Variants in NR3C1 observed in about 807,000 individuals in gnomAD.
NR3C1 encodes nuclear receptor subfamily 3 group C member 1.
A neutral mutation model predicts 74.0 loss-of-function variants in NR3C1; 14 were observed. The observed-to-expected ratio is 0.19, with a 90% CI of 0.12 to 0.30. The LOEUF (loss-of-function observed/expected upper bound fraction) is 0.30, where lower values mean the gene tolerates loss of function less well. Ranked by LOEUF, NR3C1 falls within the 10% of genes least tolerant of loss-of-function variation. The pLI is 1.00. For synonymous variants in NR3C1, 308 were observed against 332.5 expected, an observed-to-expected ratio of 0.93 and a Z score of 0.80; for missense variants, 695 against 909.8, an observed-to-expected ratio of 0.76 and a Z score of 3.04.
At chr5:143,407,815 ACAT>A (rs1298733810), upstream of NR3C1, among the ~76,000 whole-genome samples, 3 of 152,088 alleles carry the variant, frequency 2.0e-5, no homozygotes, top group South Asian at 2.1e-4. Flanking sequence ...CCCCTCCAAA[ACAT>A]CAACTAAATC....
chr5:143,413,954 T>C (rs992698883), intron 1 of NR3C1, among the ~76,000 whole-genome samples: 4 of 152,152 alleles, frequency 2.6e-5, no homozygotes, highest in Non-Finnish European at 1.5e-5. Context: ...TAGCTTTTTA[T>C]CAAAATATTA....
chr5:143,432,133 C>T (rs777398607), intron 1 of NR3C1, among the ~76,000 whole-genome samples: 1 of 152,176 alleles, frequency 6.6e-6, no homozygotes, highest in Non-Finnish European at 1.5e-5. Context: ...CACTAGAATA[C>T]CTGGGACTGG....
chr5:143,403,818 C>T, upstream of NR3C1: 1 of 969,014 alleles, frequency 1.0e-6, no homozygotes, highest in Non-Finnish European at 1.2e-6. Flanking sequence ...CAGGGGCGCC[C>T]GCGGTCCCTG....
At position 143,347,680 on chromosome 5, in the gene NR3C1, A is replaced by G. The variant is rs10482645; in HGVS notation, c.1185-33512T>C. On this transcript the variant is annotated intron_variant, in intron 2 of 8. Coordinates refer to ENST00000394464, the MANE Select transcript of NR3C1 (RefSeq NM_000176.3). Reference sequence around the variant, plus strand: ...GTAAAGACTATAAAATCACATTCTCATTGTAGAAATTTAGATCAAACACCA... The same window carrying G: ...GTAAAGACTATAAAATCACATTCTCGTTGTAGAAATTTAGATCAAACACCA... Among the ~76,000 whole-genome samples, 828 of 152,334 alleles carry G rather than the reference A, an allele frequency of 5.4e-3. 5 individuals are homozygous for G. Among genetic ancestry groups the G allele is most frequent in the East Asian group, 0.022 (116 of 5,188 alleles).
At chr5:143,322,404 T>C (rs2151655851) in intron 2 of NR3C1, among the ~76,000 whole-genome samples, 1 of 152,336 alleles carries the variant, frequency 6.6e-6, no homozygotes. Context: ...CTTTGTAGGC[T>C]GAAGTTTGAT....
rs1042075896 is a variant in NR3C1, at chr5:143,300,348, G to A, written c.1747+137C>T. 11 of 1,000,778 alleles carry A rather than the reference G, an allele frequency of 1.1e-5. No homozygotes were observed. Among genetic ancestry groups the A allele is most frequent in the Non-Finnish European group, 1.6e-5 (10 of 639,796 alleles). The allele number at this position is 1,000,778 out of a possible 1,614,324, so 62.0% of individuals were successfully genotyped here. On this transcript the variant is annotated intron_variant, in intron 5 of 8. Coordinates refer to ENST00000394464, the MANE Select transcript of NR3C1 (RefSeq NM_000176.3). This position sits in a 1 kb window ranked among gnomAD's most constrained non-coding sequence, Gnocchi z 5.2. ...AACTCCCTATCACCTGTATTCACCT[G>A]ACTCTCCCCTTCATAGTCCCCAGAA... is the stretch of plus-strand genomic sequence containing the variant.
At chr5:143,392,249 G>A (rs2151918170) in intron 2 of NR3C1, among the ~76,000 whole-genome samples, 1 of 152,274 alleles carries the variant, frequency 6.6e-6, no homozygotes, top group South Asian at 2.1e-4. Flanking sequence ...ACAGGCGTGA[G>A]CCACCGCGCC....
intron 2 of NR3C1, among the ~76,000 whole-genome samples, chr5:143,392,194 T>C (rs1406419789): frequency 6.6e-6 from 1 of 152,160 alleles, no homozygotes; most frequent in African/African-American, 2.4e-5. Flanking sequence ...CTCAATCTCC[T>C]GACCTCATGA....
At position 143,403,383 on chromosome 5, in the gene NR3C1, A is replaced by T. The variant is rs1840724957; in HGVS notation, c.-186T>A. 1.0e-6 allele frequency: 1 copy of T among 985,296 alleles called. No homozygotes were observed. 61.0% of individuals were successfully genotyped at this position (985,296 alleles called of 1,614,324 possible). A position where few individuals can be genotyped will look rare whatever the true frequency, so the allele number is the denominator to read the frequency against. On this transcript the variant is annotated 5_prime_UTR_variant, in exon 1 of 9. Coordinates refer to ENST00000394464, the MANE Select transcript of NR3C1 (RefSeq NM_000176.3). ...ATGGGTGGGGGGAGAGCCCCTATTT[A>T]AGAAAGTCTCCCATTGCCCAGCTGA...
intron 7 of NR3C1, among the ~76,000 whole-genome samples, chr5:143,292,337 C>G (rs1363969076): frequency 6.6e-6 from 1 of 151,962 alleles, no homozygotes; most frequent in Non-Finnish European, 1.5e-5. Flanking sequence ...GTTTTTTAAT[C>G]TTTATGATTA....
rs1178331390 is a variant in NR3C1 at position 143,278,748 on chromosome 5, G to A, written c.*3141C>T. ...TGTAGTTTTCAGGGTTTTTAAAAGGGAACTAAAATTATGAGACTTAGGTGA... is the reference window on the plus strand; with the variant it reads ...TGTAGTTTTCAGGGTTTTTAAAAGGAAACTAAAATTATGAGACTTAGGTGA... On this transcript the variant is annotated 3_prime_UTR_variant, in exon 9 of 9. Coordinates refer to ENST00000394464, the MANE Select transcript of NR3C1 (RefSeq NM_000176.3). The A allele has an allele frequency of 6.6e-6, 1 of 152,060 alleles. No individual in the cohort carries two copies. The highest frequency in any genetic ancestry group is 2.4e-5 in the African/African-American group (1 of 41,368). The allele number at this position is 152,060 out of a possible 1,614,324, so 9.4% of individuals were successfully genotyped here.
At chr5:143,411,588 G>T (rs1841294799) in intron 1 of NR3C1, among the ~76,000 whole-genome samples, 1 of 152,122 alleles carries the variant, frequency 6.6e-6, no homozygotes, top group South Asian at 2.1e-4. Context: ...TTTAGCTGTA[G>T]GTTGGCTATG....
chr5:143,386,944 G>A (rs1253410920), intron 2 of NR3C1, among the ~76,000 whole-genome samples: 11 of 152,200 alleles, frequency 7.2e-5, no homozygotes, highest in Admixed American at 6.5e-4. Context: ...ACTATGCTAT[G>A]AGCAACAAAA....
At chr5:143,388,782 T>A (rs896044994) in intron 2 of NR3C1, among the ~76,000 whole-genome samples, 1 of 152,192 alleles carries the variant, frequency 6.6e-6, no homozygotes, top group African/African-American at 2.4e-5. Flanking sequence ...ATAAGGATAT[T>A]CTTAAGTGAC....
At chr5:143,303,813 C>CA (rs1025163363) in intron 4 of NR3C1, among the ~76,000 whole-genome samples, 1 of 150,902 alleles carries the variant, frequency 6.6e-6, no homozygotes, top group African/African-American at 2.4e-5. Flanking sequence ...CACCACATAA[C>CA]AAAAAAAATA....
At chr5:143,415,518 A>G (rs1269041150) in intron 1 of NR3C1, among the ~76,000 whole-genome samples, 1 of 152,206 alleles carries the variant, frequency 6.6e-6, no homozygotes, top group Non-Finnish European at 1.5e-5. Flanking sequence ...ATGCATGCAT[A>G]TATGTTTTTT....
At chr5:143,287,130 A>G (rs1814676443) in intron 7 of NR3C1, among the ~76,000 whole-genome samples, 1 of 152,112 alleles carries the variant, frequency 6.6e-6, no homozygotes, top group South Asian at 2.1e-4. Flanking sequence ...TCTACCTTAA[A>G]CTAGAAAAAG....
Position 143,282,027 on chromosome 5 carries a change from G to C in NR3C1, c.2196C>G (p.Leu732=). Residue 732 remains leucine (L), a synonymous_variant, in exon 9 of 9, where the codon CTC becomes CTG. Coordinates refer to ENST00000394464, the MANE Select transcript of NR3C1 (RefSeq NM_000176.3). ...LDSMHEVVEN[L]LNYCFQTFLD... ...AAAATGTTTGGAAGCAATAGTTAAG[G>C]AGATTTTCAACCACCTGCAAGAGAA... 6.2e-7 allele frequency: 1 copy of C among 1,613,510 alleles called. No individual in the cohort carries two copies. The highest frequency in any genetic ancestry group is 2.2e-5 in the East Asian group (1 of 44,792).
chr5:143,421,908 T>C (rs1420434372), intron 1 of NR3C1, among the ~76,000 whole-genome samples: 9 of 152,196 alleles, frequency 5.9e-5, no homozygotes, highest in African/African-American at 1.9e-4. Flanking sequence ...TTAGGTATGA[T>C]ATGGACGTGG....
Sources: allele counts gnomAD v4.1 joint callset (sites outside exome capture counted in the v4.1 genomes callset), GRCh38; gene constraint gnomAD v4.1.1; non-coding constraint Gnocchi (gnomAD v3.1); transcripts MANE v1.5; gene names NCBI Gene and HGNC (gene_info 2026-07-23, HGNC 2026-07-21).